LMO3: variants seen among roughly 807,000 people sequenced by gnomAD.
The protein encoded by LMO3 is LIM domain only protein 3.
In LMO3, 2 loss-of-function variants were observed where a neutral mutation model predicts 15.8. The ratio of observed to expected loss-of-function variants is 0.13; its 90% confidence interval spans 0.05 to 0.40. The LOEUF is 0.40. Among genes scored for constraint, LMO3 ranks in the 10% least tolerant of loss-of-function variants. The pLI is 0.99. For synonymous variants in LMO3, 62 were observed against 63.8 expected, an observed-to-expected ratio of 0.97 and a Z score of 0.13; for missense variants, 86 against 182.2, an observed-to-expected ratio of 0.47 and a Z score of 3.04.
intron 2 of LMO3, among the ~76,000 whole-genome samples, chr12:16,567,867 C>CTGGTGCT (rs1357465992): frequency 6.6e-6 from 1 of 152,094 alleles, no homozygotes; most frequent in Admixed American, 6.6e-5. Context: ...GTGCTCAAGC[C>CTGGTGCT]CACTCAGAGG....
rs956181057 is a variant in LMO3, at chr12:16,576,177, G to C, written c.207-15639C>G. ...CTGTCCGCCTTCCACTCTGCAGCCG[G>C]TAGCCTTTCTATAACACAGCTCCAA... On this transcript the variant is annotated intron_variant, in intron 2 of 3. Transcript: ENST00000537304. This position sits in a 1 kb window ranked among gnomAD's most constrained non-coding sequence, Gnocchi z 4.1. Among the ~76,000 whole-genome samples, 1 of 152,090 alleles carries C rather than the reference G, an allele frequency of 6.6e-6. No individual in the cohort carries two copies. Among genetic ancestry groups the C allele is most frequent in the Non-Finnish European group, 1.5e-5 (1 of 68,042 alleles).
intron 2 of LMO3, among the ~76,000 whole-genome samples, chr12:16,561,043 C>G (rs1003912101): frequency 1.2e-4 from 18 of 152,112 alleles, no homozygotes; most frequent in Admixed American, 1.3e-4. Context: ...CGCATGCATG[C>G]ACCTTATGGC....
rs189702862 is a variant in LMO3 at position 16,569,222 on chromosome 12, A to G, written c.207-8684T>C. ...ATGTCTACACACAAAACCTTACACA[A>G]TTATTTAGTGTCAGAGCTAGCAAGA... On this transcript the variant is annotated intron_variant, in intron 2 of 3. Coordinates refer to ENST00000537304, the MANE Select transcript of LMO3 (RefSeq NM_018640.5). Among the ~76,000 whole-genome samples the G allele has an allele frequency of 1.4e-3, 210 of 152,342 alleles. 1 individual carries two copies. Among genetic ancestry groups the G allele is most frequent in the African/African-American group, 4.7e-3 (196 of 41,588 alleles).
In LMO3 at chr12:16,587,579, G is replaced by C. The variant is rs566527400; in HGVS notation, c.206+13076C>G. Among the ~76,000 whole-genome samples, 2 of 152,158 alleles carry C rather than the reference G, an allele frequency of 1.3e-5. No individual in the cohort carries two copies. The highest frequency in any genetic ancestry group is 2.1e-4 in the South Asian group (1 of 4,820). On this transcript the variant is annotated intron_variant, in intron 2 of 3. Transcript: ENST00000537304. The surrounding 1 kb of genome is among the most constrained non-coding windows in gnomAD (Gnocchi z 4.3). ...GCCTACATGGTTGACTACCCTTGGT[G>C]TTAAATTTTCTTAAATTGTATTTCT...
rs1405693492 is a variant in LMO3, at chr12:16,604,194, G to C, written c.-9+1872C>G. Among the ~76,000 whole-genome samples, 4 of 152,034 alleles carry C rather than the reference G, an allele frequency of 2.6e-5. No individual in the cohort carries two copies. Among genetic ancestry groups the C allele is most frequent in the African/African-American group, 7.3e-5 (3 of 41,374 alleles). On this transcript the variant is annotated intron_variant, in intron 1 of 3. Transcript: ENST00000537304. This position sits in a 1 kb window ranked among gnomAD's most constrained non-coding sequence, Gnocchi z 5.3. ...AACCCAGGTTGGAAAACTGGATTGG[G>C]CCTAAAAGCTTGTTTCTCTCTGTTC...
At chr12:16,552,574 T>C (rs544682298) in intron 3 of LMO3, among the ~76,000 whole-genome samples, 1 of 152,016 alleles carries the variant, frequency 6.6e-6, no homozygotes, top group Non-Finnish European at 1.5e-5. Flanking sequence ...GCTAAGTAGA[T>C]AGAGAGGAAA....
In LMO3 at chr12:16,596,676, A is replaced by G. The variant is rs1037957352; in HGVS notation, c.206+3979T>C. Among the ~76,000 whole-genome samples, 6 of 151,844 alleles carry G rather than the reference A, an allele frequency of 4.0e-5. No individual in the cohort carries two copies. Among genetic ancestry groups the G allele is most frequent in the Non-Finnish European group, 8.9e-5 (6 of 67,694 alleles). ...TGCAAAACATTAAATAAAAGCATGTAGAATTCCTAATTCTAAGACTCTGAT... is the reference window on the plus strand; with the variant it reads ...TGCAAAACATTAAATAAAAGCATGTGGAATTCCTAATTCTAAGACTCTGAT... On this transcript the variant is annotated intron_variant, in intron 2 of 3. Coordinates refer to ENST00000537304, the MANE Select transcript of LMO3 (RefSeq NM_018640.5). This position sits in a 1 kb window ranked among gnomAD's most constrained non-coding sequence, Gnocchi z 4.3.
At chr12:16,554,618 A>G (rs1459379888) in intron 3 of LMO3, among the ~76,000 whole-genome samples, 1 of 152,180 alleles carries the variant, frequency 6.6e-6, no homozygotes, top group Non-Finnish European at 1.5e-5. Flanking sequence ...CTTGCTATAC[A>G]TTATTCAAAG....
chr12:16,600,432 A>C, intron 2 of LMO3: 1 of 526,692 alleles, frequency 1.9e-6, no homozygotes, highest in Non-Finnish European at 3.4e-6. Flanking sequence ...CTGAGTGTGC[A>C]GGCAAGCCAA....
At chr12:16,590,420 A>G (rs1943454593) in intron 2 of LMO3, among the ~76,000 whole-genome samples, 1 of 152,054 alleles carries the variant, frequency 6.6e-6, no homozygotes, top group African/African-American at 2.4e-5. Context: ...TCATAACTAG[A>G]GCAAATATAT....
At position 16,560,695 on chromosome 12, in the gene LMO3, T is replaced by A. The variant is rs963502422; in HGVS notation, c.207-157A>T. The A allele has an allele frequency of 6.0e-6, 4 of 662,410 alleles. No homozygotes were observed. In the African/African-American group the frequency reaches 7.2e-5, roughly 12 times the overall value. 41.0% of individuals were successfully genotyped at this position (662,410 alleles called of 1,614,324 possible). ...ATCCTAGGTGTATGCATAAATATTC[T>A]TCTGCAATATATTCTCCGTTGACCT... On this transcript the variant is annotated intron_variant, in intron 2 of 3. Transcript: ENST00000537304. The surrounding 1 kb of genome is among the most constrained non-coding windows in gnomAD (Gnocchi z 5.0).
rs1942338938 is a variant in LMO3, at chr12:16,560,079, C to A, written c.332+334G>T. On this transcript the variant is annotated intron_variant, in intron 3 of 3. Transcript: ENST00000537304. This position sits in a 1 kb window ranked among gnomAD's most constrained non-coding sequence, Gnocchi z 5.0. ...GCTTCATTGCCAATTTATTTACTCA[C>A]ATAAGTAGTATAAAAAAGTAGATAT... is the stretch of plus-strand genomic sequence containing the variant. Among the ~76,000 whole-genome samples the A allele has an allele frequency of 6.6e-6, 1 of 152,036 alleles. No individual in the cohort carries two copies. Among genetic ancestry groups the A allele is most frequent in the African/African-American group, 2.4e-5 (1 of 41,412 alleles).
upstream of LMO3, among the ~76,000 whole-genome samples, chr12:16,609,449 G>T (rs1944086105): frequency 6.6e-6 from 1 of 152,120 alleles, no homozygotes; most frequent in Non-Finnish European, 1.5e-5. Flanking sequence ...TTTAATTACA[G>T]ATCCTTTGGA....
rs1471582421 is a variant in LMO3, at chr12:16,589,070, G to A, written c.206+11585C>T. ...TGAAGCTGGGGTGTAGCAGAAGGGGGTCGACGTCAGGTCTGGATACCTCAC... is the reference window on the plus strand; with the variant it reads ...TGAAGCTGGGGTGTAGCAGAAGGGGATCGACGTCAGGTCTGGATACCTCAC... On this transcript the variant is annotated intron_variant, in intron 2 of 3. Transcript: ENST00000537304. The surrounding 1 kb of genome is among the most constrained non-coding windows in gnomAD (Gnocchi z 4.2). Among the ~76,000 whole-genome samples, 1 of 152,084 alleles carries A rather than the reference G, an allele frequency of 6.6e-6. No individual in the cohort carries two copies. The highest frequency in any genetic ancestry group is 2.4e-5 in the African/African-American group (1 of 41,422).
chr12:16,562,699 G>A (rs1267030160), intron 2 of LMO3, among the ~76,000 whole-genome samples: 2 of 152,188 alleles, frequency 1.3e-5, no homozygotes, highest in African/African-American at 4.8e-5. Context: ...CTGCTATACT[G>A]TGAACAACCC....
intron 2 of LMO3, among the ~76,000 whole-genome samples, chr12:16,575,024 C>G (rs1326650911): frequency 6.6e-6 from 1 of 152,086 alleles, no homozygotes; most frequent in East Asian, 1.9e-4. Context: ...AAGAAACAAA[C>G]ACAAAACACA....
intron 2 of LMO3, among the ~76,000 whole-genome samples, chr12:16,568,740 A>T (rs910830720): frequency 6.6e-6 from 1 of 152,228 alleles, no homozygotes; most frequent in Non-Finnish European, 1.5e-5. Flanking sequence ...GCTACTAGAA[A>T]TATTAAAATT....
In LMO3 at chr12:16,604,793, G is replaced by A; in HGVS notation, c.-9+1273C>T. On this transcript the variant is annotated intron_variant, in intron 1 of 3. Transcript: ENST00000537304. The surrounding 1 kb of genome is among the most constrained non-coding windows in gnomAD (Gnocchi z 5.3). ...AGAAAGACACAAAAGCAGCGGAAAA[G>A]CAGAAAGGCTTTTGAGCGGCCAGGA... 6.6e-7 allele frequency: 1 copy of A among 1,508,232 alleles called. No homozygotes were observed. The highest frequency in any genetic ancestry group is 9.1e-7 in the Non-Finnish European group (1 of 1,100,520). 93.4% of individuals were successfully genotyped at this position (1,508,232 alleles called of 1,614,324 possible).
At chr12:16,601,790 G>A (rs1943832769) in intron 1 of LMO3, 1 of 151,786 alleles carries the variant, frequency 6.6e-6, no homozygotes, top group African/African-American at 2.4e-5. Context: ...CATAAATAAG[G>A]AATCCAGCTG....
Sources: gnomAD v4.1 joint callset for allele counts (sites outside exome capture counted in the v4.1 genomes callset) on GRCh38, gnomAD v4.1.1 for gene constraint, Gnocchi (gnomAD v3.1) non-coding constraint, MANE v1.5 for transcripts, NCBI Gene and HGNC (gene_info 2026-07-23, HGNC 2026-07-21) for gene names.